ALOX5AP: variants seen among roughly 807,000 people sequenced by gnomAD.
The protein encoded by ALOX5AP is arachidonate 5-lipoxygenase-activating protein.
Under a neutral mutation model 18.5 loss-of-function variants are expected in ALOX5AP, and 9 were observed. That is an observed-to-expected ratio of 0.49 (90% CI 0.29 to 0.85). ALOX5AP has a LOEUF of 0.85. ALOX5AP is among the 40% of genes least tolerant of loss of function. The pLI is 0.08. For synonymous variants in ALOX5AP, 81 were observed against 78.6 expected (o/e 1.03, Z -0.16); for missense variants, 172 against 202.5 (o/e 0.85, Z 0.91).
At chr13:30,720,342 G>A (rs1440397604) in intron 1 of ALOX5AP, among the ~76,000 whole-genome samples, 1 of 152,160 alleles carries the variant, frequency 6.6e-6, no homozygotes, top group African/African-American at 2.4e-5. Flanking sequence ...TTATCTCTCA[G>A]GATGTGTGAG....
rs753221284 is a variant in ALOX5AP at position 30,752,032 on chromosome 13, CTTGT to C, written c.171-13_171-10del. 3.7e-6 allele frequency: 6 copies of C among 1,613,000 alleles called. No homozygotes were observed. In the South Asian group the frequency reaches 5.5e-5, roughly 15 times the overall value. ...AACTTGGTCTCTGATTGTTTTTCTCCTTGTTTGTTTATTCTGCAGCCAGAACTGT... is the reference window on the plus strand; with the variant it reads ...AACTTGGTCTCTGATTGTTTTTCTCCTTGTTTATTCTGCAGCCAGAACTGT... On this transcript the variant is annotated splice_polypyrimidine_tract_variant and intron_variant, in intron 2 of 4. Coordinates refer to ENST00000380490, the MANE Select transcript of ALOX5AP (RefSeq NM_001629.4).
rs1951969415 is a variant in ALOX5AP at position 30,764,068 on chromosome 13, A to G, written c.448A>G (p.Ile150Val). ...GSDFENYIKT[I>V]STTISPLLLI... is the part of the protein sequence containing the mutation. ...TGACTTTGAAAACTACATAAAGACG[A>G]TCTCCACCACCATCTCCCCTCTACT... Residue 150 changes from isoleucine (I) to valine (V), a missense_variant, in exon 5 of 5, where the codon ATC becomes GTC. Coordinates refer to ENST00000380490, the MANE Select transcript of ALOX5AP (RefSeq NM_001629.4). 1.2e-6 allele frequency: 2 copies of G among 1,613,972 alleles called. No homozygotes were observed. The highest frequency in any genetic ancestry group is 1.1e-5 in the South Asian group (1 of 91,078).
chr13:30,756,535 G>T (rs1951895744), intron 4 of ALOX5AP, among the ~76,000 whole-genome samples: 2 of 152,172 alleles, frequency 1.3e-5, no homozygotes, highest in African/African-American at 4.8e-5. Flanking sequence ...ACAGCAGGGT[G>T]CAGCGGCTCA....
intron 3 of ALOX5AP, among the ~76,000 whole-genome samples, chr13:30,755,377 G>A (rs1405473519): frequency 6.6e-6 from 1 of 152,186 alleles, no homozygotes; most frequent in Non-Finnish European, 1.5e-5. Flanking sequence ...CCTACCCTCT[G>A]CCCCCTTTTA....
At chr13:30,750,242 C>T (rs1265995437) in intron 2 of ALOX5AP, among the ~76,000 whole-genome samples, 1 of 152,192 alleles carries the variant, frequency 6.6e-6, no homozygotes, top group Non-Finnish European at 1.5e-5. Context: ...GAATTATAAT[C>T]AGTCTCTCAG....
At chr13:30,757,354 C>G (rs913845347) in intron 4 of ALOX5AP, among the ~76,000 whole-genome samples, 11 of 152,276 alleles carry the variant, frequency 7.2e-5, no homozygotes, top group African/African-American at 2.6e-4. Flanking sequence ...AAAAGAATGA[C>G]TGTTCTTTCA....
At chr13:30,754,494 T>G (rs1003492715) in intron 3 of ALOX5AP, among the ~76,000 whole-genome samples, 12 of 152,154 alleles carry the variant, frequency 7.9e-5, no homozygotes, top group Admixed American at 7.9e-4. Context: ...ATAATATGTA[T>G]AAAGCTCCTG....
At chr13:30,731,414 C>T (rs1025987255), upstream of ALOX5AP, among the ~76,000 whole-genome samples, 6 of 151,226 alleles carry the variant, frequency 4.0e-5, no homozygotes, top group South Asian at 1.3e-3. Context: ...CCCTCTCTTG[C>T]CCAGGCTGTA....
chr13:30,743,471 C>T (rs972408911), intron 1 of ALOX5AP, among the ~76,000 whole-genome samples: 1 of 152,004 alleles, frequency 6.6e-6, no homozygotes, highest in African/African-American at 2.4e-5. Context: ...TCACCTCCCT[C>T]TTTGGCCTTG....
intron 1 of ALOX5AP, among the ~76,000 whole-genome samples, chr13:30,737,426 C>A (rs985483215): frequency 2.6e-5 from 4 of 152,204 alleles, no homozygotes; most frequent in African/African-American, 9.7e-5. Context: ...ATTTCGAATT[C>A]TTTTTGACAG....
chr13:30,732,698 A>G (rs990035381), upstream of ALOX5AP, among the ~76,000 whole-genome samples: 10 of 152,166 alleles, frequency 6.6e-5, no homozygotes, highest in Non-Finnish European at 1.5e-4. Context: ...TGTAAAATGT[A>G]AAACTCCACA....
At chr13:30,754,818 C>G (rs182365362) in intron 3 of ALOX5AP, among the ~76,000 whole-genome samples, 3 of 152,344 alleles carry the variant, frequency 2.0e-5, no homozygotes, top group African/African-American at 7.2e-5. Context: ...CTGTCTTAGG[C>G]TCTTGTGGCC....
At chr13:30,731,436 C>T (rs1225282466), upstream of ALOX5AP, among the ~76,000 whole-genome samples, 2 of 150,760 alleles carry the variant, frequency 1.3e-5, no homozygotes, top group East Asian at 3.9e-4. Context: ...TGCAGTGTTG[C>T]GATCACAGCT....
upstream of ALOX5AP, among the ~76,000 whole-genome samples, chr13:30,735,199 C>T (rs191239739): frequency 1.1e-3 from 160 of 152,188 alleles, no homozygotes; most frequent in Non-Finnish European, 1.3e-3. Flanking sequence ...TTTACTTTCC[C>T]TTCTTTCTCT....
chr13:30,734,010 C>G (rs1334617388), upstream of ALOX5AP, among the ~76,000 whole-genome samples: 1 of 152,218 alleles, frequency 6.6e-6, no homozygotes, highest in Non-Finnish European at 1.5e-5. Flanking sequence ...AGCAGCTTTT[C>G]TGAGTCTCCA....
In ALOX5AP at chr13:30,742,865, C is replaced by T. The variant is rs1951778460; in HGVS notation, c.71-1195C>T. Among the ~76,000 whole-genome samples, 3 of 132,286 alleles carry T rather than the reference C, an allele frequency of 2.3e-5. No individual in the cohort carries two copies. The Admixed American group carries it at 2.3e-4, about 10-fold the overall frequency. 86.8% of individuals were successfully genotyped at this position (132,286 alleles called of 152,430 possible). ...GGGCAGAGAGACCTTCACCGCCCCC[C>T]CCCCACCCCCCATCATCCAATCTAT... On this transcript the variant is annotated intron_variant, in intron 1 of 4. Coordinates refer to ENST00000380490, the MANE Select transcript of ALOX5AP (RefSeq NM_001629.4).
At chr13:30,751,907 T>G in intron 2 of ALOX5AP, 145 bp from the exon 3 acceptor site, 2 of 747,174 alleles carry the variant, frequency 2.7e-6, no homozygotes, top group Non-Finnish European at 2.2e-6. Flanking sequence ...CCCCATCTTA[T>G]TGGGTAGATG....
At chr13:30,735,459 AG>A, upstream of ALOX5AP, 7 of 1,073,706 alleles carry the variant, frequency 6.5e-6, no homozygotes, top group Admixed American at 3.5e-5. Context: ...AAAAAAAAAA[AG>A]GAAGAAGAAG....
In ALOX5AP at chr13:30,740,439, G is replaced by A. The variant is rs118177378; in HGVS notation, c.71-3621G>A. ...CCACGTACGGCGGATGCCTCACAAC[G>A]GTTTGCAGCCATCTCTCTATCTGTG... On this transcript the variant is annotated intron_variant, in intron 1 of 4. Coordinates refer to ENST00000380490, the MANE Select transcript of ALOX5AP (RefSeq NM_001629.4). 9.3e-4 allele frequency among the ~76,000 whole-genome samples: 141 copies of A among 152,280 alleles called. 1 individual carries two copies. The East Asian group carries it at 0.011, about 12-fold the overall frequency.
Sources: gnomAD v4.1 joint callset for allele counts (sites outside exome capture counted in the v4.1 genomes callset) on GRCh38, gnomAD v4.1.1 for gene constraint, MANE v1.5 for transcripts, NCBI Gene and HGNC (gene_info 2026-07-23, HGNC 2026-07-21) for gene names.